TNPO1: variants seen among roughly 807,000 people sequenced by gnomAD.
TNPO1 encodes transportin 1.
In TNPO1, 8 loss-of-function variants were observed where a neutral mutation model predicts 119.5. That is an observed-to-expected ratio of 0.07 (90% CI 0.04 to 0.12). TNPO1 has a LOEUF of 0.12. TNPO1 is among the 10% of genes least tolerant of loss of function. TNPO1 has a pLI of 1.00. For synonymous variants in TNPO1, 362 were observed against 363.0 expected (o/e 1.00, Z 0.03); for missense variants, 576 against 1,089.8 (o/e 0.53, Z 6.64).
chr5:72,866,281 T>G (rs1331030404), intron 6 of TNPO1, among the ~76,000 whole-genome samples: 1 of 152,202 alleles, frequency 6.6e-6, no homozygotes, highest in Non-Finnish European at 1.5e-5. Flanking sequence ...CACTTATAAG[T>G]GAGAACATGC....
chr5:72,885,974 G>T (rs1181114852), intron 11 of TNPO1, among the ~76,000 whole-genome samples: 1 of 152,044 alleles, frequency 6.6e-6, no homozygotes. Flanking sequence ...CTTATAATAA[G>T]CCAACTCTCT....
At chr5:72,832,157 A>G (rs1199861685) in intron 1 of TNPO1, among the ~76,000 whole-genome samples, 1 of 152,052 alleles carries the variant, frequency 6.6e-6, no homozygotes, top group Non-Finnish European at 1.5e-5. Flanking sequence ...CTCAATATAG[A>G]TTGTTGAGTT....
intron 9 of TNPO1, chr5:72,878,705 C>CT: frequency 4.7e-6 from 1 of 214,582 alleles, no homozygotes; most frequent in Non-Finnish European, 9.4e-6. Flanking sequence ...ATTGTTCTTC[C>CT]TTTTCTCTTT....
intron 2 of TNPO1, among the ~76,000 whole-genome samples, chr5:72,849,924 T>C (rs1329097933): frequency 1.3e-5 from 2 of 152,200 alleles, no homozygotes; most frequent in Non-Finnish European, 2.9e-5. Context: ...TGTGGCACCA[T>C]ATATCATAAT....
intron 5 of TNPO1, 89 bp from the exon 6 acceptor site, chr5:72,865,507 G>T: frequency 7.2e-7 from 1 of 1,388,228 alleles, no homozygotes; most frequent in Admixed American, 1.9e-5. Context: ...GAGAACATTA[G>T]TCCATACAAA....
At chr5:72,856,238 G>GT (rs920798954) in intron 4 of TNPO1, among the ~76,000 whole-genome samples, 1 of 151,788 alleles carries the variant, frequency 6.6e-6, no homozygotes, top group African/African-American at 2.4e-5. Context: ...AGTTCTGTTT[G>GT]TTTTTTTGTT....
rs1293578076 is a variant in TNPO1 at position 72,910,708 on chromosome 5, A to C, written c.*2035A>C. On this transcript the variant is annotated 3_prime_UTR_variant, in exon 25 of 25. Coordinates refer to ENST00000337273, the MANE Select transcript of TNPO1 (RefSeq NM_002270.4). ...TTGAATGATACAGCCATTGCACTGA[A>C]GTTTGAGCTGTGTGCGTGTGAATTT... 6.6e-6 allele frequency: 1 copy of C among 152,316 alleles called. No individual in the cohort carries two copies. Among genetic ancestry groups the C allele is most frequent in the East Asian group, 1.9e-4 (1 of 5,192 alleles). 9.4% of individuals were successfully genotyped at this position (152,316 alleles called of 1,614,324 possible).
At chr5:72,829,267 T>C (rs942489055) in intron 1 of TNPO1, among the ~76,000 whole-genome samples, 1 of 152,190 alleles carries the variant, frequency 6.6e-6, no homozygotes, top group African/African-American at 2.4e-5. Context: ...ATGAACACAG[T>C]TTTCTGTTAC....
chr5:72,826,778 C>T (rs915545806), intron 1 of TNPO1, among the ~76,000 whole-genome samples: 1 of 152,062 alleles, frequency 6.6e-6, no homozygotes, highest in Non-Finnish European at 1.5e-5. Flanking sequence ...TATTTAATTC[C>T]ATAGAGAAGA....
intron 2 of TNPO1, among the ~76,000 whole-genome samples, chr5:72,849,381 C>T (rs992830039): frequency 6.6e-6 from 1 of 152,168 alleles, no homozygotes. Context: ...AACCTTTTAA[C>T]CCCCGTTTTA....
At chr5:72,824,242 C>G (rs1744107862) in intron 1 of TNPO1, among the ~76,000 whole-genome samples, 1 of 152,214 alleles carries the variant, frequency 6.6e-6, no homozygotes, top group Non-Finnish European at 1.5e-5. Flanking sequence ...TCATTTCTAT[C>G]AGCAAACAGA....
At chr5:72,848,129 C>G in intron 1 of TNPO1, 2 of 1,180,818 alleles carry the variant, frequency 1.7e-6, no homozygotes, top group Non-Finnish European at 1.1e-6. Context: ...GTGACTCAGT[C>G]TGGTCGGCTC....
chr5:72,890,315 T>C (rs1748952143), intron 14 of TNPO1, among the ~76,000 whole-genome samples: 1 of 152,200 alleles, frequency 6.6e-6, no homozygotes, highest in Admixed American at 6.5e-5. Flanking sequence ...TAGAGTACCA[T>C]ATCTAGACAT....
rs1318101423 is a variant in TNPO1, at chr5:72,911,079, C to T, written c.*2406C>T. On this transcript the variant is annotated 3_prime_UTR_variant, in exon 25 of 25. Coordinates refer to ENST00000337273, the MANE Select transcript of TNPO1 (RefSeq NM_002270.4). Reference sequence around the variant, plus strand: ...GTGATATTCTGTAGTGCTTCAAATACTTAGAATTCTAATATGAGAGATAGT... The same window carrying T: ...GTGATATTCTGTAGTGCTTCAAATATTTAGAATTCTAATATGAGAGATAGT... The T allele has an allele frequency of 2.0e-5, 3 of 151,940 alleles. No individual in the cohort carries two copies. The highest frequency in any genetic ancestry group is 1.9e-4 in the East Asian group (1 of 5,162). 9.4% of individuals were successfully genotyped at this position (151,940 alleles called of 1,614,324 possible). A position where few individuals can be genotyped will look rare whatever the true frequency, so the allele number is the denominator to read the frequency against.
chr5:72,858,894 C>T (rs1205997616), intron 4 of TNPO1, among the ~76,000 whole-genome samples: 11 of 147,740 alleles, frequency 7.4e-5, no homozygotes, highest in Non-Finnish European at 1.5e-5. Context: ...GTTTGTTTTG[C>T]TTCAGGAAAA....
chr5:72,880,833 A>C (rs1175125300), intron 9 of TNPO1, among the ~76,000 whole-genome samples: 13 of 151,722 alleles, frequency 8.6e-5, no homozygotes, highest in East Asian at 1.9e-4. Context: ...AAAAAAAAAA[A>C]ACCTCATTTT....
intron 21 of TNPO1, chr5:72,900,730 AGT>A (rs1222579423): frequency 1.7e-5 from 5 of 287,512 alleles, no homozygotes; most frequent in African/African-American, 1.1e-4. Context: ...GATTCAAATT[AGT>A]TATCTACTTT....
chr5:72,903,447 T>C (rs1749927864), intron 22 of TNPO1, among the ~76,000 whole-genome samples: 2 of 152,190 alleles, frequency 1.3e-5, no homozygotes, highest in African/African-American at 2.4e-5. Flanking sequence ...GAACATTTAT[T>C]GCACAGGGGG....
At chr5:72,858,044 A>G (rs1409342715) in intron 4 of TNPO1, among the ~76,000 whole-genome samples, 5 of 152,190 alleles carry the variant, frequency 3.3e-5, no homozygotes, top group African/African-American at 1.2e-4. Flanking sequence ...AGTTTATGTT[A>G]AGTAGATACT....
Sources: allele counts gnomAD v4.1 joint callset (sites outside exome capture counted in the v4.1 genomes callset), GRCh38; gene constraint gnomAD v4.1.1; transcripts MANE v1.5; gene names NCBI Gene and HGNC (gene_info 2026-07-23, HGNC 2026-07-21).